The following IGSF21 variants were observed in gnomAD, a reference collection of about 807,000 sequenced individuals.
The protein encoded by IGSF21 is immunoglobin superfamily member 21.
A neutral mutation model predicts 46.8 loss-of-function variants in IGSF21; 28 were observed. That is an observed-to-expected ratio of 0.60 (90% CI 0.44 to 0.82). The LOEUF is 0.82. IGSF21 is among the 40% of genes least tolerant of loss of function. IGSF21 has a pLI of 0.00. For missense variants in IGSF21, 624 were observed against 665.5 expected (o/e 0.94, Z 0.69); for synonymous variants, 284 against 273.6 (o/e 1.04, Z -0.38).
chr1:18,217,876 G>T, intron 1 of IGSF21, among the ~76,000 whole-genome samples: 1 of 152,182 alleles, frequency 6.6e-6, no homozygotes, highest in Non-Finnish European at 1.5e-5. Flanking sequence ...GTAGAATGGG[G>T]ACACTATCCG....
At chr1:18,352,773 C>T (rs570845615) in intron 4 of IGSF21, among the ~76,000 whole-genome samples, 2 of 152,334 alleles carry the variant, frequency 1.3e-5, no homozygotes, top group South Asian at 4.1e-4. Flanking sequence ...TTATCTTCTA[C>T]CACTGCGAAA....
At chr1:18,347,273 C>A (rs2085903739) in intron 4 of IGSF21, among the ~76,000 whole-genome samples, 1 of 152,198 alleles carries the variant, frequency 6.6e-6, no homozygotes, top group African/African-American at 2.4e-5. Context: ...TCTAATCCCC[C>A]TACAGCCTGC....
chr1:18,353,245 C>T (rs2085976891), intron 4 of IGSF21, among the ~76,000 whole-genome samples: 1 of 151,660 alleles, frequency 6.6e-6, no homozygotes. Context: ...TTTTTCTTGC[C>T]GGGGACTCCC....
intron 4 of IGSF21, among the ~76,000 whole-genome samples, chr1:18,360,209 A>G (rs890074793): frequency 1.3e-5 from 2 of 152,016 alleles, no homozygotes; most frequent in African/African-American, 4.8e-5. Flanking sequence ...TAGGTAATTG[A>G]CGTGTTCTGC....
intron 1 of IGSF21, among the ~76,000 whole-genome samples, chr1:18,168,599 CCTT>C (rs1457283662): frequency 2.0e-5 from 3 of 152,300 alleles, no homozygotes; most frequent in African/African-American, 7.2e-5. Context: ...GTCCCTCTCT[CCTT>C]CTTTCACTCA....
intron 2 of IGSF21, among the ~76,000 whole-genome samples, chr1:18,273,534 T>TTCTTTCTTTCTTTCGTC (rs1175518745): frequency 7.3e-6 from 1 of 137,474 alleles, no homozygotes; most frequent in African/African-American, 2.8e-5. Flanking sequence ...TTTCTTTACT[T>TTCTTTCTTTCTTTCGTC]TTTTTTTTTA....
intron 2 of IGSF21, among the ~76,000 whole-genome samples, chr1:18,231,057 G>A (rs1388092128): frequency 6.6e-6 from 1 of 152,080 alleles, no homozygotes; most frequent in Non-Finnish European, 1.5e-5. Context: ...GGAAGGAAAT[G>A]AATAGATTAC....
intron 2 of IGSF21, among the ~76,000 whole-genome samples, chr1:18,258,409 G>A (rs1207283503): frequency 1.3e-5 from 2 of 152,228 alleles, no homozygotes; most frequent in African/African-American, 2.4e-5. Context: ...TGGGGCTCCA[G>A]CAACCTTGAC....
intron 1 of IGSF21, among the ~76,000 whole-genome samples, chr1:18,172,691 C>T (rs2124460520): frequency 6.6e-6 from 1 of 152,208 alleles, no homozygotes; most frequent in East Asian, 1.9e-4. Context: ...AAAACCCCTA[C>T]CTGCAAATGC....
intron 2 of IGSF21, among the ~76,000 whole-genome samples, chr1:18,259,805 C>T (rs539107009): frequency 1.6e-4 from 24 of 152,276 alleles, no homozygotes; most frequent in African/African-American, 3.6e-4. Context: ...GATGAGGCCA[C>T]AGCATGTGTA....
Position 18,263,675 on chromosome 1 carries a change from G to A in IGSF21, c.184-28191G>A, listed in dbSNP as rs142740103. On this transcript the variant is annotated intron_variant, in intron 2 of 9. Coordinates refer to ENST00000251296, the MANE Select transcript of IGSF21 (RefSeq NM_032880.5). ...CTTCTCTGGCAGCATCACCCAGAGC[G>A]GTTGCGAAAAGTGCGGATTCCCAGT... is the stretch of plus-strand genomic sequence containing the variant. Among the ~76,000 whole-genome samples, 1,180 of 152,242 alleles carry A rather than the reference G, an allele frequency of 7.8e-3. 12 individuals carry two copies. Among genetic ancestry groups the A allele is most frequent in the Middle Eastern group, 0.027 (8 of 294 alleles).
chr1:18,127,839 G>A (rs1361710774), intron 1 of IGSF21, among the ~76,000 whole-genome samples: 1 of 152,192 alleles, frequency 6.6e-6, no homozygotes, highest in East Asian at 1.9e-4. Flanking sequence ...AACCCGGGAA[G>A]TCGAGGTTAT....
intron 1 of IGSF21, among the ~76,000 whole-genome samples, chr1:18,144,859 T>C (rs2086451145): frequency 6.6e-6 from 1 of 152,122 alleles, no homozygotes; most frequent in African/African-American, 2.4e-5. Flanking sequence ...GTGCCTCTAT[T>C]TCCCCATTTG....
Position 18,108,120 on chromosome 1 carries a change from C to T in IGSF21, c.-9C>T, listed in dbSNP as rs538565986. ...GCCGCCCCGCCACCGCCGCCAGCTCCCGGGCACCATGCGAACCGCCCCGAG... is the reference window on the plus strand; with the variant it reads ...GCCGCCCCGCCACCGCCGCCAGCTCTCGGGCACCATGCGAACCGCCCCGAG... On this transcript the variant is annotated 5_prime_UTR_variant, in exon 1 of 10. Coordinates refer to ENST00000251296, the MANE Select transcript of IGSF21 (RefSeq NM_032880.5). 864 of 1,366,844 alleles carry T rather than the reference C, an allele frequency of 6.3e-4. 10 individuals carry two copies. The African/African-American group carries it at 0.012, about 19-fold the overall frequency. The allele number at this position is 1,366,844 out of a possible 1,614,324, so 84.7% of individuals were successfully genotyped here.
intron 3 of IGSF21, among the ~76,000 whole-genome samples, chr1:18,298,476 A>G (rs1304628865): frequency 6.6e-6 from 1 of 152,182 alleles, no homozygotes; most frequent in Non-Finnish European, 1.5e-5. Context: ...CTCCTCCCAC[A>G]CACATGCTGT....
intron 1 of IGSF21, among the ~76,000 whole-genome samples, chr1:18,225,085 T>TCTCTCTCTCTCTCA: frequency 4.8e-4 from 25 of 51,606 alleles, no homozygotes; most frequent in African/African-American, 1.4e-3. Flanking sequence ...TCTCTCTCTC[T>TCTCTCTCTCTCTCA]CACACACACA....
At chr1:18,270,920 C>A (rs539091163) in intron 2 of IGSF21, among the ~76,000 whole-genome samples, 3 of 152,252 alleles carry the variant, frequency 2.0e-5, no homozygotes, top group African/African-American at 4.8e-5. Flanking sequence ...TGAAGCCACA[C>A]CTTTGACTGC....
intron 4 of IGSF21, among the ~76,000 whole-genome samples, chr1:18,342,176 CT>C (rs1160130208): frequency 6.6e-6 from 1 of 152,012 alleles, no homozygotes; most frequent in Non-Finnish European, 1.5e-5. Flanking sequence ...TCACTGCAGC[CT>C]CTGCCTCCAA....
intron 2 of IGSF21, among the ~76,000 whole-genome samples, chr1:18,239,433 T>C (rs896596249): frequency 6.6e-6 from 1 of 152,120 alleles, no homozygotes; most frequent in African/African-American, 2.4e-5. Context: ...ATATCTGACC[T>C]TACCACGACC....
Sources: gnomAD v4.1 joint callset for allele counts (sites outside exome capture counted in the v4.1 genomes callset) on GRCh38, gnomAD v4.1.1 for gene constraint, MANE v1.5 for transcripts, NCBI Gene and HGNC (gene_info 2026-07-23, HGNC 2026-07-21) for gene names.